The following MYOM1 variants were observed in gnomAD, a reference collection of about 807,000 sequenced individuals.
The protein encoded by MYOM1 is myomesin 1, also known as myomesin-1.
MYOM1 carries 164 observed loss-of-function variants against 205.3 expected under a neutral mutation model. The observed-to-expected ratio is 0.80, with a 90% CI of 0.70 to 0.91. MYOM1 has a LOEUF of 0.91. Among genes scored for constraint, MYOM1 ranks in the 40% least tolerant of loss-of-function variants. The probability of loss-of-function intolerance (pLI) is 0.00; values close to 1 mark genes in which losing one functional copy is unlikely to be tolerated. For missense variants in MYOM1, 2,011 were observed against 2,127.3 expected (o/e 0.95, Z 1.08); for synonymous variants, 772 against 789.4 (o/e 0.98, Z 0.37).
intron 17 of MYOM1, 73 bp from the exon 18 acceptor site, chr18:3,129,592 A>G (rs1338333621): frequency 6.8e-7 from 1 of 1,471,740 alleles, no homozygotes; most frequent in African/African-American, 1.4e-5. Context: ...AGGATAGAAC[A>G]AAGAGAAAAA....
intron 14 of MYOM1, among the ~76,000 whole-genome samples, chr18:3,139,521 C>G (rs2080019779): frequency 6.6e-6 from 1 of 152,204 alleles, no homozygotes; most frequent in African/African-American, 2.4e-5. Flanking sequence ...GCAGGGCATC[C>G]TGGAACAGAC....
rs374503880 is a variant in MYOM1, at chr18:3,137,151, G to T, written c.2026-1421C>A. Among the ~76,000 whole-genome samples the T allele has an allele frequency of 2.0e-5, 3 of 151,978 alleles. No individual in the cohort carries two copies. In the East Asian group the frequency reaches 5.8e-4, roughly 30 times the overall value. On this transcript the variant is annotated intron_variant, in intron 14 of 37. Coordinates refer to ENST00000356443, the MANE Select transcript of MYOM1 (RefSeq NM_003803.4). ...ATTTTTAGTAGAGGGGGGTTTCACC[G>T]TGTTAGCCAGGATGGTCTCGATCTC...
intron 37 of MYOM1, 41 bp downstream of exon 37, chr18:3,071,793 A>G: frequency 1.3e-6 from 2 of 1,569,034 alleles, no homozygotes; most frequent in Admixed American, 1.9e-5. Flanking sequence ...GAACCTGTTC[A>G]TAGTGCAGAA....
intron 9 of MYOM1, among the ~76,000 whole-genome samples, chr18:3,168,433 T>C (rs11873909): frequency 0.11 from 16,021 of 152,078 alleles, 1,888 homozygotes; most frequent in African/African-American, 0.29. Context: ...GGATTACAGG[T>C]GCACACCACC....
At position 3,103,504 on chromosome 18, in the gene MYOM1, T is replaced by C. The variant is rs187698124; in HGVS notation, c.3419-874A>G. 2.5e-3 allele frequency among the ~76,000 whole-genome samples: 387 copies of C among 152,308 alleles called. 4 individuals carry two copies. Among genetic ancestry groups the C allele is most frequent in the African/African-American group, 8.5e-3 (355 of 41,566 alleles). ...CATTCACATCTATGCCTAAATCCAGTTGAAAGGAGTAAAATGCTCTACTCA... is the reference window on the plus strand; with the variant it reads ...CATTCACATCTATGCCTAAATCCAGCTGAAAGGAGTAAAATGCTCTACTCA... On this transcript the variant is annotated intron_variant, in intron 22 of 37. Transcript: ENST00000356443.
intron 14 of MYOM1, among the ~76,000 whole-genome samples, chr18:3,139,058 T>C (rs1291133122): frequency 6.6e-6 from 1 of 152,080 alleles, no homozygotes; most frequent in East Asian, 1.9e-4. Context: ...CAGGGGAGGA[T>C]AGCTTGAGCC....
At chr18:3,099,237 G>A (rs2079346605) in intron 25 of MYOM1, among the ~76,000 whole-genome samples, 1 of 152,186 alleles carries the variant, frequency 6.6e-6, no homozygotes, top group African/African-American at 2.4e-5. Context: ...TAGAGCAGTG[G>A]TGTGTGTTTT....
In MYOM1 at chr18:3,067,449, T is replaced by C; in HGVS notation, c.4871A>G (p.Glu1624Gly). 6.2e-7 allele frequency: 1 copy of C among 1,613,794 alleles called. No individual in the cohort carries two copies. The highest frequency in any genetic ancestry group is 1.1e-5 in the South Asian group (1 of 91,074). The change falls in exon 38 of 38, where the codon GAG (glutamate) becomes GGG (glycine). Residue 1624 changes from glutamate (E) to glycine (G), a missense_variant. Transcript: ENST00000356443. ...GGTGAAGTACGCGGTCCTCCCAGCC[T>C]CGAACTTGAGGTTGCAGTGGTCGTC... ...ASDDHCNLKFEAGRTAYFTIN... is the reference protein window; with the variant it reads ...ASDDHCNLKFGAGRTAYFTIN...
At chr18:3,071,577 T>C (rs1156538683) in intron 37 of MYOM1, among the ~76,000 whole-genome samples, 2 of 152,144 alleles carry the variant, frequency 1.3e-5, no homozygotes, top group Non-Finnish European at 2.9e-5. Flanking sequence ...CAGGCTGGTC[T>C]TGAACTGCTG....
At chr18:3,105,752 G>C (rs2079443642) in intron 22 of MYOM1, among the ~76,000 whole-genome samples, 1 of 152,192 alleles carries the variant, frequency 6.6e-6, no homozygotes, top group South Asian at 2.1e-4. Context: ...CTACTTGAGA[G>C]GCTGAGGCAC....
chr18:3,103,278 CA>C (rs1400162169), intron 22 of MYOM1, among the ~76,000 whole-genome samples: 2 of 152,108 alleles, frequency 1.3e-5, no homozygotes, highest in Admixed American at 1.3e-4. Context: ...AGAGTGATAG[CA>C]ACTGAGAAAT....
chr18:3,175,294 A>G (rs759082362), intron 6 of MYOM1, among the ~76,000 whole-genome samples: 12 of 152,146 alleles, frequency 7.9e-5, no homozygotes, highest in Non-Finnish European at 1.8e-4. Flanking sequence ...CCTGAGAATG[A>G]ATGGTATAAA....
chr18:3,192,486 T>G (rs923508486), intron 3 of MYOM1, among the ~76,000 whole-genome samples: 2 of 152,204 alleles, frequency 1.3e-5, no homozygotes, highest in African/African-American at 4.8e-5. Flanking sequence ...CAGAGGGCAA[T>G]GGAAAGAAAA....
At chr18:3,123,016 G>C (rs767102589) in intron 19 of MYOM1, among the ~76,000 whole-genome samples, 1 of 152,058 alleles carries the variant, frequency 6.6e-6, no homozygotes, top group African/African-American at 2.4e-5. Flanking sequence ...AATCTGAGAC[G>C]GTGTCGTGCT....
the MYOM1 span, among the ~76,000 whole-genome samples, chr18:3,239,743 C>A: frequency 9.2e-6 from 1 of 109,230 alleles, no homozygotes; most frequent in African/African-American, 3.9e-5. Context: ...GGTGACACAG[C>A]AACACCTTGT....
chr18:3,112,253 T>C (rs1282876707), intron 22 of MYOM1, 45 bp downstream of exon 22: 4 of 1,542,090 alleles, frequency 2.6e-6, no homozygotes, highest in African/African-American at 1.4e-5. Flanking sequence ...TAGTTCAGTA[T>C]CTTACACAGA....
At position 3,215,217 on chromosome 18, in the gene MYOM1, A is replaced by G. The variant is rs764651750; in HGVS notation, c.7T>C (p.Leu3=). 7 of 1,609,842 alleles carry G rather than the reference A, an allele frequency of 4.3e-6. No homozygotes were observed. The Admixed American group carries it at 1.2e-4, about 27-fold the overall frequency. The change falls in exon 2 of 38, where the codon TTG becomes CTG. Residue 3 remains leucine (L), a synonymous_variant. Coordinates refer to ENST00000356443, the MANE Select transcript of MYOM1 (RefSeq NM_003803.4). MS[L]PFYQRCHQHY... ...TGGTGGCACCTCTGATAAAAAGGCA[A>G]AGACATCCTGTGCCCCTTGAAGGAA... is the stretch of plus-strand genomic sequence containing the variant.
chr18:3,096,483 CTG>C (rs1429747718), intron 25 of MYOM1, among the ~76,000 whole-genome samples: 5 of 148,480 alleles, frequency 3.4e-5, no homozygotes, highest in African/African-American at 1.2e-4. Context: ...GAGTCTCACT[CTG>C]TCACCTAGGC....
chr18:3,129,447 C>T lies in MYOM1; in HGVS notation c.2579G>A (p.Arg860His), dbSNP rs770953683. Residue 860 changes from arginine to histidine, a missense_variant, in exon 18 of 38, where the codon CGC becomes CAC. Transcript: ENST00000356443. Reference sequence around the variant, plus strand: ...GGTTGGCGGGGAGGCTTCATGCACGCGCCCCCTGGAGGCGGTTAGTCCACC... The same window carrying T: ...GGTTGGCGGGGAGGCTTCATGCACGTGCCCCCTGGAGGCGGTTAGTCCACC... ...EPGGLTASRG[R>H]VHEASPPTFQ... 27 of 1,613,808 alleles carry T rather than the reference C, an allele frequency of 1.7e-5. No individual in the cohort carries two copies. Among genetic ancestry groups the T allele is most frequent in the East Asian group, 8.9e-5 (4 of 44,880 alleles).
Sources: gnomAD v4.1 joint callset for allele counts (sites outside exome capture counted in the v4.1 genomes callset) on GRCh38, gnomAD v4.1.1 for gene constraint, MANE v1.5 for transcripts, NCBI Gene and HGNC (gene_info 2026-07-23, HGNC 2026-07-21) for gene names.